Variants in PPARG observed in about 807,000 individuals in gnomAD.
PPARG encodes the protein peroxisome proliferator activated receptor gamma, also known as peroxisome proliferator-activated receptor gamma.
PPARG carries 17 observed loss-of-function variants against 39.2 expected under a neutral mutation model. The observed-to-expected ratio is 0.43, with a 90% CI of 0.30 to 0.65. The LOEUF (loss-of-function observed/expected upper bound fraction) is 0.65. PPARG is among the 30% of genes least tolerant of loss of function. PPARG has a pLI of 0.13. For missense variants in PPARG, 406 were observed against 585.9 expected (o/e 0.69, Z 3.17); for synonymous variants, 223 against 215.7 (o/e 1.03, Z -0.30).
intron 2 of PPARG, among the ~76,000 whole-genome samples, chr3:12,316,973 T>C (rs1342288818): frequency 1.3e-5 from 2 of 152,194 alleles, no homozygotes; most frequent in East Asian, 1.9e-4. Flanking sequence ...ATAAAAGATA[T>C]CTGAACTTGT....
At chr3:12,431,391 C>T (rs1289070389) in intron 7 of PPARG, among the ~76,000 whole-genome samples, 3 of 152,024 alleles carry the variant, frequency 2.0e-5, no homozygotes, top group Non-Finnish European at 4.4e-5. Flanking sequence ...AATGTGGAGG[C>T]TTCAATGCAT....
At chr3:12,392,346 T>C (rs1472447719) in intron 4 of PPARG, among the ~76,000 whole-genome samples, 4 of 152,184 alleles carry the variant, frequency 2.6e-5, no homozygotes, top group African/African-American at 9.7e-5. Context: ...AAACCAAATG[T>C]AGAGCCAAGA....
chr3:12,428,964 A>G (rs1259148241), intron 7 of PPARG, among the ~76,000 whole-genome samples: 1 of 151,218 alleles, frequency 6.6e-6, no homozygotes, highest in African/African-American at 2.4e-5. Context: ...TTTAGACAAG[A>G]AAATTGAGCC....
intron 2 of PPARG, among the ~76,000 whole-genome samples, chr3:12,376,478 C>T (rs948042609): frequency 6.6e-6 from 1 of 151,872 alleles, no homozygotes; most frequent in African/African-American, 2.4e-5. Flanking sequence ...GAGAGTGGCC[C>T]CTCCTCCATA....
intron 2 of PPARG, among the ~76,000 whole-genome samples, chr3:12,368,687 T>C (rs576517243): frequency 6.6e-6 from 1 of 152,314 alleles, no homozygotes; most frequent in Admixed American, 6.5e-5. Flanking sequence ...CACTTAATAA[T>C]TGTTAGCTAT....
chr3:12,416,671 A>G (rs372720192), intron 6 of PPARG, 33 bp from the exon 7 acceptor site: 14 of 1,591,198 alleles, frequency 8.8e-6, no homozygotes, highest in East Asian at 2.2e-5. Flanking sequence ...AGAAATCTCC[A>G]AGTCATCCAC....
intron 2 of PPARG, among the ~76,000 whole-genome samples, chr3:12,324,087 T>A (rs9813120): frequency 0.071 from 10,795 of 152,140 alleles, 1,313 homozygotes; most frequent in African/African-American, 0.25. Context: ...AAGAGCAGCC[T>A]GGCCAACATG....
Position 12,403,154 on chromosome 3 carries a change from G to A in PPARG, c.530-2728G>A, listed in dbSNP as rs536901905. On this transcript the variant is annotated intron_variant, in intron 5 of 7. Coordinates refer to ENST00000651735, the MANE Select transcript of PPARG (RefSeq NM_138711.6). ...CAAAAAAATTAAAAATTAGCCAGGC[G>A]TGGTGGCACACACCTGTAGTCCTAG... 2.7e-3 allele frequency among the ~76,000 whole-genome samples: 408 copies of A among 151,802 alleles called. 1 individual carries two copies. The highest frequency in any genetic ancestry group is 9.2e-3 in the African/African-American group (382 of 41,416).
intron 4 of PPARG, among the ~76,000 whole-genome samples, chr3:12,387,854 T>C (rs1310227621): frequency 2.1e-5 from 3 of 146,032 alleles, no homozygotes; most frequent in Non-Finnish European, 3.0e-5. Flanking sequence ...GTGTTAGGTC[T>C]TACATTTAAG....
At chr3:12,431,396 A>G (rs2051654203) in intron 7 of PPARG, among the ~76,000 whole-genome samples, 1 of 152,224 alleles carries the variant, frequency 6.6e-6, no homozygotes, top group Non-Finnish European at 1.5e-5. Flanking sequence ...GGAGGCTTCA[A>G]TGCATTTATT....
At chr3:12,406,161 TGCGCTA>T in intron 6 of PPARG, 80 bp downstream of exon 6, 1 of 1,344,036 alleles carries the variant, frequency 7.4e-7, no homozygotes, top group Non-Finnish European at 1.1e-6. Flanking sequence ...AATGGTTTAC[TGCGCTA>T]CAAATGCACA....
chr3:12,351,407 A>G (rs2048482131), intron 2 of PPARG: 1 of 638,154 alleles, frequency 1.6e-6, no homozygotes. Context: ...GTGCCAGCCA[A>G]TTCAAGCCCA....
Position 12,417,236 on chromosome 3 carries a change from T to G in PPARG, c.1180+82T>G, listed in dbSNP as rs770976234. On this transcript the variant is annotated intron_variant, in intron 7 of 7. Transcript: ENST00000651735. ...AAAAGAATTTTGGATTTCCTTAGTG[T>G]TAGTCTGCATTGTCACTTTAAGTGC... is the stretch of plus-strand genomic sequence containing the variant. 395 of 1,346,118 alleles carry G rather than the reference T, an allele frequency of 2.9e-4. 1 individual carries two copies. The highest frequency in any genetic ancestry group is 5.5e-5 in the Non-Finnish European group (53 of 966,542). 83.4% of individuals were successfully genotyped at this position (1,346,118 alleles called of 1,614,324 possible). A position where few individuals can be genotyped will look rare whatever the true frequency, so the allele number is the denominator to read the frequency against.
intron 4 of PPARG, among the ~76,000 whole-genome samples, chr3:12,381,916 G>GTTTATTTATTTATTTA (rs796113249): frequency 4.6e-5 from 7 of 151,932 alleles, no homozygotes; most frequent in Non-Finnish European, 7.4e-5. Flanking sequence ...TTCTCTAGTT[G>GTTTATTTATTTATTTA]TTTATTTATT....
chr3:12,309,504 T>G (rs1286468835), intron 1 of PPARG, among the ~76,000 whole-genome samples: 1 of 152,228 alleles, frequency 6.6e-6, no homozygotes, highest in Admixed American at 6.5e-5. Flanking sequence ...GATATTTTTC[T>G]CTGTTGTCAG....
intron 7 of PPARG, among the ~76,000 whole-genome samples, chr3:12,423,360 C>T (rs2051326641): frequency 6.6e-6 from 1 of 152,222 alleles, no homozygotes; most frequent in South Asian, 2.1e-4. Context: ...GCTCACAGAA[C>T]ACCAGTGTTC....
intron 1 of PPARG, among the ~76,000 whole-genome samples, chr3:12,291,343 A>T (rs748096247): frequency 6.6e-6 from 1 of 152,208 alleles, no homozygotes; most frequent in Non-Finnish European, 1.5e-5. Flanking sequence ...TCCACAAAAG[A>T]ATAGTAAGAG....
intron 4 of PPARG, among the ~76,000 whole-genome samples, chr3:12,385,256 C>G (rs2049829726): frequency 6.6e-6 from 1 of 152,138 alleles, no homozygotes; most frequent in African/African-American, 2.4e-5. Flanking sequence ...AAGCTGCAGG[C>G]TTATCTATGG....
At chr3:12,431,999 C>T (rs1218365564) in intron 7 of PPARG, among the ~76,000 whole-genome samples, 1 of 151,770 alleles carries the variant, frequency 6.6e-6, no homozygotes, top group African/African-American at 2.4e-5. Context: ...AAGACAATAT[C>T]ATCTACAACT....
Sources: allele counts gnomAD v4.1 joint callset (sites outside exome capture counted in the v4.1 genomes callset), GRCh38; gene constraint gnomAD v4.1.1; transcripts MANE v1.5; gene names NCBI Gene and HGNC (gene_info 2026-07-23, HGNC 2026-07-21).